PPP6R2: variants seen among roughly 807,000 people sequenced by gnomAD.
PPP6R2 encodes protein phosphatase 6 regulatory subunit 2.
In PPP6R2, 62 loss-of-function variants were observed where a neutral mutation model predicts 100.2. The ratio of observed to expected loss-of-function variants is 0.62; its 90% confidence interval spans 0.50 to 0.76. The LOEUF (loss-of-function observed/expected upper bound fraction) is 0.76. Among genes scored for constraint, PPP6R2 ranks in the 30% least tolerant of loss-of-function variants. The pLI, the probability that PPP6R2 is intolerant of heterozygous loss-of-function variation, is 0.00. For synonymous variants in PPP6R2, 525 were observed against 514.7 expected (o/e 1.02, Z -0.27); for missense variants, 1,142 against 1,276.3 (o/e 0.89, Z 1.60).
Position 50,438,152 on chromosome 22 carries a change from ACCTTG to A in PPP6R2, c.1840-21_1840-17del. ...TCTCCCCCAGACCCTCTGGAAACTC[ACCTTG>A]GCGTTTTACTCTGCAGCCCAGCGCA... On this transcript the variant is annotated splice_polypyrimidine_tract_variant and intron_variant, in intron 17 of 23. Coordinates refer to ENST00000612753, the MANE Select transcript of PPP6R2 (RefSeq NM_001242898.2). 6.2e-7 allele frequency: 1 copy of A among 1,600,820 alleles called. No homozygotes were observed. Among genetic ancestry groups the A allele is most frequent in the Non-Finnish European group, 8.5e-7 (1 of 1,174,032 alleles).
At chr22:50,346,482 C>T (rs1420577671) in intron 1 of PPP6R2, among the ~76,000 whole-genome samples, 3 of 122,288 alleles carry the variant, frequency 2.5e-5, no homozygotes, top group Admixed American at 2.4e-4. Context: ...GGGCCCCCTC[C>T]AGTCAGTTCC....
At chr22:50,440,181 G>T in intron 21 of PPP6R2, 132 bp downstream of exon 21, 1 of 840,292 alleles carries the variant, frequency 1.2e-6, no homozygotes, top group Non-Finnish European at 1.8e-6. Context: ...TGGTGACATT[G>T]GGGTTTGATA....
At chr22:50,362,080 G>A (rs1293840857) in intron 1 of PPP6R2, among the ~76,000 whole-genome samples, 2 of 152,188 alleles carry the variant, frequency 1.3e-5, no homozygotes, top group African/African-American at 4.8e-5. Flanking sequence ...AGGCCTCCCT[G>A]GCTCAAGAGG....
intron 3 of PPP6R2, among the ~76,000 whole-genome samples, chr22:50,399,291 T>G (rs1327230385): frequency 6.6e-6 from 1 of 152,200 alleles, no homozygotes; most frequent in Non-Finnish European, 1.5e-5. Context: ...AGTAAATACT[T>G]TAGGCTTTGC....
intron 1 of PPP6R2, among the ~76,000 whole-genome samples, chr22:50,363,816 TTAAAG>T (rs772581046): frequency 7.9e-5 from 12 of 152,190 alleles, no homozygotes; most frequent in Non-Finnish European, 1.6e-4. Flanking sequence ...CTAGAAAATT[TTAAAG>T]TAAAGGGTGA....
rs370783360 is a variant in PPP6R2, at chr22:50,438,776, C to T, written c.2128+14C>T. 361 of 1,580,354 alleles carry T rather than the reference C, an allele frequency of 2.3e-4. No individual in the cohort carries two copies. Among genetic ancestry groups the T allele is most frequent in the Middle Eastern group, 1.5e-3 (9 of 6,002 alleles). ...GTGACTCAGAAGGTGGTGCTGGGCG[C>T]CAGGGGCTGGGAGTGTGGGTATCGG... On this transcript the variant is annotated intron_variant, in intron 19 of 23. Coordinates refer to ENST00000612753, the MANE Select transcript of PPP6R2 (RefSeq NM_001242898.2).
intron 6 of PPP6R2, 140 bp downstream of exon 6, chr22:50,416,297 T>A: frequency 2.9e-6 from 2 of 688,256 alleles, no homozygotes; most frequent in Non-Finnish European, 4.8e-6. Flanking sequence ...TTTCTTTCTT[T>A]AATCAAGCAC....
chr22:50,396,690 C>T (rs1044327618), intron 3 of PPP6R2, among the ~76,000 whole-genome samples: 3 of 152,126 alleles, frequency 2.0e-5, no homozygotes, highest in Admixed American at 6.6e-5. Flanking sequence ...TCTTTGCTGG[C>T]CTTTGTCTTA....
chr22:50,426,104 C>T (rs2062083568), intron 10 of PPP6R2, among the ~76,000 whole-genome samples: 1 of 152,092 alleles, frequency 6.6e-6, no homozygotes, highest in South Asian at 2.1e-4. Context: ...AGGCATGCGC[C>T]ACCACATCCA....
At chr22:50,375,646 C>G (rs8142229) in intron 2 of PPP6R2, among the ~76,000 whole-genome samples, 1 of 151,678 alleles carries the variant, frequency 6.6e-6, no homozygotes, top group Non-Finnish European at 1.5e-5. Flanking sequence ...AAAACCTGTT[C>G]CTGAGAATTG....
intron 2 of PPP6R2, among the ~76,000 whole-genome samples, chr22:50,373,865 C>G (rs1399797649): frequency 5.9e-5 from 9 of 152,084 alleles, no homozygotes; most frequent in Non-Finnish European, 1.3e-4. Flanking sequence ...TCCCGAATAG[C>G]TGGGATTACA....
At position 50,438,673 on chromosome 22, in the gene PPP6R2, G is replaced by A. The variant is rs2064927346; in HGVS notation, c.2039G>A (p.Ser680Asn). 2 of 1,613,906 alleles carry A rather than the reference G, an allele frequency of 1.2e-6. No individual in the cohort carries two copies. The highest frequency in any genetic ancestry group is 2.7e-5 in the African/African-American group (2 of 74,936). Residue 680 changes from serine to asparagine, a missense_variant, in exon 19 of 24, where the codon AGC becomes AAC. By Grantham distance (46) the Ser-to-Asn change is conservative. Transcript: ENST00000612753. ...PERGGQDGKA[S>N]LEAHRDAPGA... ...CGTGGAGGCCAGGATGGGAAGGCGA[G>A]CTTGGAAGCACACAGAGATGCACCT...
intron 2 of PPP6R2, among the ~76,000 whole-genome samples, chr22:50,380,634 C>T (rs2148661466): frequency 6.6e-6 from 1 of 150,972 alleles, no homozygotes; most frequent in South Asian, 2.1e-4. Context: ...GCTGGGATTA[C>T]AGGTGTGAGC....
rs748188651 is a variant in PPP6R2 at position 50,422,312 on chromosome 22, A to C, written c.904A>C (p.Ser302Arg). The C allele has an allele frequency of 5.0e-6, 8 of 1,614,092 alleles. No individual in the cohort carries two copies. In the Admixed American group the frequency reaches 1.3e-4, roughly 27 times the overall value. The change falls in exon 9 of 24, where the codon AGC becomes CGC. Residue 302 changes from serine to arginine, a missense_variant. Ser to Arg is a moderately radical substitution (Grantham distance 110, BLOSUM62 -1). This residue lies in a region of PPP6R2 where 592 missense variants were observed against 758.9 expected (regional missense o/e 0.78). Coordinates refer to ENST00000612753, the MANE Select transcript of PPP6R2 (RefSeq NM_001242898.2). ...ACTGGAAAGGTCATACGCTGTCAGC[A>C]GCAGCGTACTACACGGCATCGAGCC... ...QGLERSYAVS[S>R]SVLHGIEPRL...
chr22:50,387,318 C>G (rs1376517990), intron 2 of PPP6R2, among the ~76,000 whole-genome samples: 1 of 152,166 alleles, frequency 6.6e-6, no homozygotes, highest in Non-Finnish European at 1.5e-5. Flanking sequence ...CAGCCTCAGC[C>G]TCGGCCTCCC....
intron 1 of PPP6R2, among the ~76,000 whole-genome samples, 170 bp downstream of exon 1, chr22:50,343,720 C>A (rs1335795066): frequency 2.0e-5 from 2 of 98,358 alleles, no homozygotes; most frequent in African/African-American, 7.9e-5. Context: ...GTGCCCCCCC[C>A]AAGTCAGTCA....
intron 1 of PPP6R2, among the ~76,000 whole-genome samples, chr22:50,365,657 C>T (rs112646340): frequency 0.19 from 27,856 of 145,750 alleles, 2,910 homozygotes; most frequent in South Asian, 0.35. Context: ...CCAGCCTGTG[C>T]GACAGAGCAA....
intron 1 of PPP6R2, among the ~76,000 whole-genome samples, chr22:50,348,963 G>C (rs993023033): frequency 6.6e-6 from 1 of 151,874 alleles, no homozygotes; most frequent in Non-Finnish European, 1.5e-5. Flanking sequence ...ATGCTGAGGC[G>C]GGCGGATCAC....
chr22:50,412,834 G>T (rs1156935905), intron 4 of PPP6R2, among the ~76,000 whole-genome samples: 8 of 150,336 alleles, frequency 5.3e-5, no homozygotes, highest in Non-Finnish European at 1.5e-5. Flanking sequence ...TAGTAGAGAC[G>T]GGGTTTCACC....
Sources: gnomAD v4.1 joint callset for allele counts (sites outside exome capture counted in the v4.1 genomes callset) on GRCh38, gnomAD v4.1.1 for gene constraint, gnomAD v4.1.1 regional missense constraint, MANE v1.5 for transcripts, NCBI Gene and HGNC (gene_info 2026-07-23, HGNC 2026-07-21) for gene names.